CFAP54: variants seen among roughly 807,000 people sequenced by gnomAD.
CFAP54 encodes the protein cilia- and flagella-associated protein 54.
Under a neutral mutation model 370.4 loss-of-function variants are expected in CFAP54, and 290 were observed. The observed-to-expected ratio is 0.78, with a 90% CI of 0.71 to 0.86. CFAP54 has a LOEUF of 0.86. Ranked by LOEUF, CFAP54 falls within the 40% of genes least tolerant of loss-of-function variation. CFAP54 has a pLI of 0.00. For missense variants in CFAP54, 3,399 were observed against 3,528.7 expected (o/e 0.96, Z 0.93); for synonymous variants, 1,206 against 1,236.5 (o/e 0.98, Z 0.52).
In CFAP54 at chr12:96,807,027, G is replaced by A. The variant is rs574761903; in HGVS notation, c.8851-4709G>A. Reference sequence around the variant, plus strand: ...AGTTTGTGAAGCACTGGTCTGTGCCGTTGCTACTAATGCAGCTTACAGTTC... The same window carrying A: ...AGTTTGTGAAGCACTGGTCTGTGCCATTGCTACTAATGCAGCTTACAGTTC... On this transcript the variant is annotated intron_variant, in intron 63 of 67. Coordinates refer to ENST00000524981, the MANE Select transcript of CFAP54 (RefSeq NM_001306084.2). Among the ~76,000 whole-genome samples, 42 of 152,274 alleles carry A rather than the reference G, an allele frequency of 2.8e-4. 2 individuals carry two copies. Among genetic ancestry groups the A allele is most frequent in the Non-Finnish European group, 2.5e-4 (17 of 68,020 alleles).
At chr12:96,612,241 C>A (rs901556262) in intron 26 of CFAP54, among the ~76,000 whole-genome samples, 2 of 152,208 alleles carry the variant, frequency 1.3e-5, no homozygotes, top group African/African-American at 4.8e-5. Context: ...ATTCAACATT[C>A]TTAAAGAAAA....
At chr12:96,781,905 TA>T (rs1958584421) in intron 60 of CFAP54, among the ~76,000 whole-genome samples, 1 of 152,128 alleles carries the variant, frequency 6.6e-6, no homozygotes, top group Non-Finnish European at 1.5e-5. Flanking sequence ...TACAAATGGT[TA>T]AAATGCTTGT....
chr12:96,527,592 G>GGT, intron 9 of CFAP54, 148 bp downstream of exon 9: 1 of 552,380 alleles, frequency 1.8e-6, no homozygotes, highest in South Asian at 3.4e-5. Flanking sequence ...TTTGAGATAA[G>GGT]GTCTCTCTTT....
intron 36 of CFAP54, among the ~76,000 whole-genome samples, chr12:96,652,397 G>C (rs1956870799): frequency 2.6e-5 from 4 of 152,020 alleles, no homozygotes; most frequent in Non-Finnish European, 5.9e-5. Context: ...AGACAAAGAG[G>C]GTAAATTATT....
Position 96,764,186 on chromosome 12 carries a change from A to C in CFAP54, c.8076A>C (p.Thr2692=). 5 of 1,613,418 alleles carry C rather than the reference A, an allele frequency of 3.1e-6. No homozygotes were observed. The South Asian group carries it at 5.5e-5, about 18-fold the overall frequency. Residue 2692 remains threonine (T), a synonymous_variant, in exon 59 of 68, where the codon ACA becomes ACC. Coordinates refer to ENST00000524981, the MANE Select transcript of CFAP54 (RefSeq NM_001306084.2). The part of the protein sequence containing the change: ...PLRRSSSVKE[T]SANKFEMYSS... ...GAAGAAGTAGTTCTGTTAAAGAAAC[A>C]TCAGCAAATAAATTTGAAATGTACA...
intron 15 of CFAP54, among the ~76,000 whole-genome samples, chr12:96,552,405 A>G (rs987943916): frequency 6.6e-6 from 1 of 151,862 alleles, no homozygotes; most frequent in Non-Finnish European, 1.5e-5. Flanking sequence ...GTGCAGTGGC[A>G]TGATCAGGGC....
intron 39 of CFAP54, among the ~76,000 whole-genome samples, chr12:96,674,628 A>G (rs1412873467): frequency 2.6e-5 from 4 of 152,206 alleles, no homozygotes; most frequent in Non-Finnish European, 5.9e-5. Context: ...AAGAAAGTGA[A>G]ATATAGTTTA....
chr12:96,580,109 C>T (rs1956017335), intron 20 of CFAP54, among the ~76,000 whole-genome samples: 1 of 151,726 alleles, frequency 6.6e-6, no homozygotes, highest in Admixed American at 6.6e-5. Flanking sequence ...TCTCTTTCCA[C>T]TTGCTTTTTT....
intron 47 of CFAP54, among the ~76,000 whole-genome samples, chr12:96,705,036 A>T (rs1245424718): frequency 6.6e-6 from 1 of 152,194 alleles, no homozygotes; most frequent in Non-Finnish European, 1.5e-5. Flanking sequence ...TAATATTTGA[A>T]TATCTTGAAA....
chr12:96,733,965 G>A (rs1357817752), intron 50 of CFAP54, among the ~76,000 whole-genome samples: 1 of 152,162 alleles, frequency 6.6e-6, no homozygotes, highest in Admixed American at 6.5e-5. Context: ...GAGTAAATGA[G>A]GTGCCTCAGA....
At chr12:96,840,477 G>A (rs764386736) in intron 66 of CFAP54, among the ~76,000 whole-genome samples, 8 of 152,270 alleles carry the variant, frequency 5.3e-5, no homozygotes, top group Non-Finnish European at 1.0e-4. Context: ...CCAAATGGTA[G>A]TAATGACAGT....
intron 58 of CFAP54, among the ~76,000 whole-genome samples, chr12:96,762,895 G>A (rs141592390): frequency 6.6e-6 from 1 of 151,936 alleles, no homozygotes; most frequent in East Asian, 1.9e-4. Context: ...CCACATTTAC[G>A]CCTTATACTT....
At chr12:96,572,782 G>T (rs1955935484) in intron 19 of CFAP54, 1 of 771,880 alleles carries the variant, frequency 1.3e-6, no homozygotes, top group African/African-American at 1.9e-5. Flanking sequence ...TTCTATTTTG[G>T]GGTAGAAATG....
At position 96,621,621 on chromosome 12, in the gene CFAP54, C is replaced by A. The variant is rs757386349; in HGVS notation, c.3671C>A (p.Ala1224Glu). Reference protein sequence around the residue: ...ILRSWREYDLAVMIINYGKKM... With the variant: ...ILRSWREYDLEVMIINYGKKM... ...CGTTCATGGAGGGAATATGACCTGG[C>A]AGTAATGATTATAAATTATGGGAAA... Residue 1224 changes from alanine (A) to glutamate (E), a missense_variant, in exon 27 of 68, where the codon GCA becomes GAA. Ala to Glu is a moderately radical substitution (Grantham distance 107). This residue lies in a region of CFAP54 where 2,796 missense variants were observed against 2,869.7 expected (regional missense o/e 0.97). Coordinates refer to ENST00000524981, the MANE Select transcript of CFAP54 (RefSeq NM_001306084.2). The A allele has an allele frequency of 1.8e-5, 27 of 1,503,682 alleles. No individual in the cohort carries two copies. Among genetic ancestry groups the A allele is most frequent in the Non-Finnish European group, 2.4e-5 (27 of 1,121,916 alleles). The allele number at this position is 1,503,682 out of a possible 1,614,324, so 93.1% of individuals were successfully genotyped here. A position where few individuals can be genotyped will look rare whatever the true frequency, so the allele number is the denominator to read the frequency against.
At chr12:96,777,976 C>G (rs559827053) in intron 60 of CFAP54, among the ~76,000 whole-genome samples, 47 of 152,234 alleles carry the variant, frequency 3.1e-4, no homozygotes, top group African/African-American at 1.1e-3. Context: ...AAATTTGAGC[C>G]ATTTGTAGTA....
rs1001904289 is a variant in CFAP54, at chr12:96,782,924, C to T, written c.8282-1793C>T. 5.3e-5 allele frequency among the ~76,000 whole-genome samples: 8 copies of T among 152,176 alleles called. No individual in the cohort carries two copies. In the East Asian group the frequency reaches 1.4e-3, roughly 26 times the overall value. On this transcript the variant is annotated intron_variant, in intron 60 of 67. Transcript: ENST00000524981. Reference sequence around the variant, plus strand: ...CAAAATTAAAAAGAAATCACATGTCCATCAATGGTAGAATAGATATATAAA... The same window carrying T: ...CAAAATTAAAAAGAAATCACATGTCTATCAATGGTAGAATAGATATATAAA...
chr12:96,764,004 C>A, intron 58 of CFAP54, 147 bp from the exon 59 acceptor site: 1 of 514,958 alleles, frequency 1.9e-6, no homozygotes, highest in Non-Finnish European at 3.4e-6. Context: ...ACTTTTCTTT[C>A]CTCAATGTAT....
intron 22 of CFAP54, among the ~76,000 whole-genome samples, chr12:96,588,844 C>T (rs1956098520): frequency 2.0e-5 from 3 of 152,192 alleles, no homozygotes; most frequent in South Asian, 2.1e-4. Context: ...CTAGGCTTCA[C>T]CAGTGAAATT....
At chr12:96,724,642 G>A (rs933636093) in intron 50 of CFAP54, among the ~76,000 whole-genome samples, 18 of 152,020 alleles carry the variant, frequency 1.2e-4, no homozygotes, top group African/African-American at 4.3e-4. Flanking sequence ...TCACTCTGAT[G>A]GTAGTTTCTT....
Sources: allele counts gnomAD v4.1 joint callset (sites outside exome capture counted in the v4.1 genomes callset), GRCh38; gene constraint gnomAD v4.1.1; regional missense constraint gnomAD v4.1.1; transcripts MANE v1.5; gene names NCBI Gene and HGNC (gene_info 2026-07-23, HGNC 2026-07-21).